CEP72: variants seen among roughly 807,000 people sequenced by gnomAD.
CEP72 encodes the protein centrosomal protein 72.
CEP72 carries 78 observed loss-of-function variants against 65.7 expected under a neutral mutation model. The ratio of observed to expected loss-of-function variants is 1.19; its 90% CI spans 0.99 to 1.43. The LOEUF (loss-of-function observed/expected upper bound fraction) is 1.43, where lower values mean the gene tolerates loss of function less well. CEP72 is among the 40% of genes most tolerant of loss of function. The probability of loss-of-function intolerance (pLI) is 0.00; values close to 1 mark genes in which losing one functional copy is unlikely to be tolerated. For missense variants in CEP72, 914 were observed against 832.9 expected (o/e 1.10, Z -1.20); for synonymous variants, 358 against 351.7 (o/e 1.02, Z -0.20).
chr5:638,903 C>T (rs1737806472), intron 7 of CEP72, among the ~76,000 whole-genome samples, 186 bp from the exon 8 acceptor site: 1 of 152,146 alleles, frequency 6.6e-6, no homozygotes, highest in Non-Finnish European at 1.5e-5. Flanking sequence ...AGGACCGGTG[C>T]ACCTGGCTAA....
At chr5:658,645 A>ATTTTTTTT (rs70955278), downstream of CEP72, among the ~76,000 whole-genome samples, 21 of 55,984 alleles carry the variant, frequency 3.8e-4, 6 homozygotes, top group Non-Finnish European at 5.4e-4. Context: ...AGCAAAGCTG[A>ATTTTTTTT]TTTTTTTTTT....
chr5:612,445 T>C lies in CEP72; in HGVS notation c.82+2T>C. 7.1e-7 allele frequency: 1 copy of C among 1,415,394 alleles called. No homozygotes were observed. Among genetic ancestry groups the C allele is most frequent in the Non-Finnish European group, 9.3e-7 (1 of 1,075,734 alleles). The allele number at this position is 1,415,394 out of a possible 1,614,324, so 87.7% of individuals were successfully genotyped here. A position where few individuals can be genotyped will look rare whatever the true frequency, so the allele number is the denominator to read the frequency against. On this transcript the variant is annotated splice_donor_variant, in intron 1 of 11. Coordinates refer to ENST00000264935, the MANE Select transcript of CEP72 (RefSeq NM_018140.4). LOFTEE classifies it high-confidence loss of function. The stretch of plus-strand genomic sequence containing the variant: ...GCTTAGGGCCTCACCGCGACCTGGG[T>C]GCGCCGGAGGGCGGGCGGGGGTGCA...
chr5:614,257 A>C (rs2126722924), intron 1 of CEP72, among the ~76,000 whole-genome samples: 1 of 151,924 alleles, frequency 6.6e-6, no homozygotes, highest in Non-Finnish European at 1.5e-5. Flanking sequence ...ACTTTTCTAA[A>C]TCCTTGAGGC....
In CEP72 at chr5:648,166, GTGAGGTCTGACCA is replaced by G. The variant is rs1431991924; in HGVS notation, c.1778+257_1778+269del. On this transcript the variant is annotated intron_variant, in intron 11 of 11. Transcript: ENST00000264935. ...GAAGTGTGACCCATGAGGTGTGGAT[GTGAGGTCTGACCA>G]TGAGGTGTGACCACGAGGCATGGAC... is the stretch of plus-strand genomic sequence containing the variant. Among the ~76,000 whole-genome samples, 3 of 152,260 alleles carry G rather than the reference GTGAGGTCTGACCA, an allele frequency of 2.0e-5. No individual in the cohort carries two copies. The East Asian group carries it at 5.8e-4, about 29-fold the overall frequency.
At chr5:613,659 C>T (rs944825199) in intron 1 of CEP72, among the ~76,000 whole-genome samples, 1 of 152,238 alleles carries the variant, frequency 6.6e-6, no homozygotes, top group African/African-American at 2.4e-5. Flanking sequence ...GAGCCACCTA[C>T]ACCCAGCCTG....
downstream of CEP72, among the ~76,000 whole-genome samples, chr5:671,166 G>A (rs554419049): frequency 3.7e-4 from 57 of 152,066 alleles, no homozygotes; most frequent in African/African-American, 1.4e-3. Flanking sequence ...TGGGATCAGC[G>A]CACTGTCTCC....
downstream of CEP72, among the ~76,000 whole-genome samples, chr5:658,368 C>T (rs1365187097): frequency 1.3e-5 from 2 of 152,252 alleles, no homozygotes; most frequent in African/African-American, 4.8e-5. Context: ...TGCTGCTGTT[C>T]AGGGGCATTC....
intron 8 of CEP72, among the ~76,000 whole-genome samples, chr5:640,130 C>T (rs1353207911): frequency 2.6e-5 from 4 of 152,190 alleles, no homozygotes; most frequent in Non-Finnish European, 4.4e-5. Context: ...GAAGGCGCAG[C>T]GAGTTGTGGC....
intron 10 of CEP72, among the ~76,000 whole-genome samples, chr5:646,521 G>A (rs1231018532): frequency 6.6e-6 from 1 of 152,126 alleles, no homozygotes; most frequent in Non-Finnish European, 1.5e-5. Context: ...GGGATTCTCA[G>A]GCCCTGTTCT....
chr5:644,856 G>C (rs764713165), intron 10 of CEP72, among the ~76,000 whole-genome samples: 1 of 152,208 alleles, frequency 6.6e-6, no homozygotes. Flanking sequence ...TGGTGAACCC[G>C]TGTCTCTCCC....
chr5:649,862 T>C (rs1738833344), intron 11 of CEP72, among the ~76,000 whole-genome samples: 1 of 68,542 alleles, frequency 1.5e-5, no homozygotes, highest in African/African-American at 4.3e-5. Flanking sequence ...CTGTGAGGCG[T>C]GACTGAGGTG....
chr5:620,230 TGTG>T lies in CEP72; in HGVS notation c.373_375del (p.Val125del), dbSNP rs772805194. On this transcript the variant is annotated inframe_deletion, in exon 3 of 12. Transcript: ENST00000264935. ...TTGAGCCTGACTACCGCCTTTTTGT[TGTG>T]CACCTGCTCCCCAAGCTCCAGCAGC... The T allele has an allele frequency of 1.2e-6, 2 of 1,613,890 alleles. No homozygotes were observed. Among genetic ancestry groups the T allele is most frequent in the Non-Finnish European group, 1.7e-6 (2 of 1,179,868 alleles).
chr5:664,938 TAGG>T (rs1173957980), intron 2 of CEP72: 2 of 737,820 alleles, frequency 2.7e-6, no homozygotes, highest in East Asian at 5.4e-5. Flanking sequence ...GGGCATCCGG[TAGG>T]AGGAGGGGCA....
rs1364802093 is a variant in CEP72 at position 645,444 on chromosome 5, C to T, written c.1666+1019C>T. On this transcript the variant is annotated intron_variant, in intron 10 of 11. Coordinates refer to ENST00000264935, the MANE Select transcript of CEP72 (RefSeq NM_018140.4). This position sits in a 1 kb window ranked among gnomAD's most constrained non-coding sequence, Gnocchi z 4.0. Reference sequence around the variant, plus strand: ...TAACCGTGTCCATTCAACATCATTTCGTCGTAAAGGTGATGAGAAAAAAAA... The same window carrying T: ...TAACCGTGTCCATTCAACATCATTTTGTCGTAAAGGTGATGAGAAAAAAAA... Among the ~76,000 whole-genome samples, 1 of 149,610 alleles carries T rather than the reference C, an allele frequency of 6.7e-6. No individual in the cohort carries two copies. The highest frequency in any genetic ancestry group is 1.5e-5 in the Non-Finnish European group (1 of 67,580).
chr5:658,443 A>C (rs576376087), downstream of CEP72, among the ~76,000 whole-genome samples: 1 of 152,180 alleles, frequency 6.6e-6, no homozygotes, highest in East Asian at 1.9e-4. Flanking sequence ...GACTCAGCCC[A>C]TTCTTGGCCA....
chr5:670,570 G>A (rs1284821384), downstream of CEP72, among the ~76,000 whole-genome samples: 22 of 152,108 alleles, frequency 1.4e-4, no homozygotes. Flanking sequence ...GGGGGGAGGG[G>A]GAGCTTCTGG....
At chr5:666,648 G>T (rs1214098786) in intron 4 of CEP72, among the ~76,000 whole-genome samples, 1 of 152,242 alleles carries the variant, frequency 6.6e-6, no homozygotes, top group Non-Finnish European at 1.5e-5. Context: ...GCCCCGCTGT[G>T]CCCTTGCACT....
intron 7 of CEP72, among the ~76,000 whole-genome samples, chr5:638,860 C>T (rs1001981985): frequency 1.3e-5 from 2 of 152,072 alleles, no homozygotes; most frequent in Non-Finnish European, 2.9e-5. Flanking sequence ...GTGTGGGCCC[C>T]GTCCTGTCCT....
downstream of CEP72, among the ~76,000 whole-genome samples, chr5:668,478 G>A (rs1163009061): frequency 2.0e-5 from 3 of 152,274 alleles, no homozygotes; most frequent in East Asian, 5.8e-4. Context: ...GGCCGCGTGG[G>A]CGCCGTCAGG....
Sources: allele counts gnomAD v4.1 joint callset (sites outside exome capture counted in the v4.1 genomes callset), GRCh38; gene constraint gnomAD v4.1.1; non-coding constraint Gnocchi (gnomAD v3.1); transcripts MANE v1.5; gene names NCBI Gene and HGNC (gene_info 2026-07-23, HGNC 2026-07-21).